Variants in EXOC3L2 observed in about 807,000 individuals in gnomAD.
The protein encoded by EXOC3L2 is exocyst complex component 3-like protein 2.
A neutral mutation model predicts 44.4 loss-of-function variants in EXOC3L2; 17 were observed. That is an observed-to-expected ratio of 0.38 (90% CI 0.26 to 0.57). The LOEUF is 0.57. Ranked by LOEUF, EXOC3L2 falls within the 20% of genes least tolerant of loss-of-function variation. The pLI is 0.65. For missense variants in EXOC3L2, 541 were observed against 588.4 expected (o/e 0.92, Z 0.83); for synonymous variants, 256 against 253.7 (o/e 1.01, Z -0.09).
chr19:45,234,867 A>T lies in EXOC3L2; in HGVS notation c.524-41T>A. On this transcript the variant is annotated intron_variant, in intron 2 of 11. Coordinates refer to ENST00000413988, the MANE Select transcript of EXOC3L2 (RefSeq NM_001382422.1). The surrounding 1 kb of genome is among the most constrained non-coding windows in gnomAD (Gnocchi z 5.0). ...GGGAGGTCAGCAGTGCGCGGGGGGG[A>T]GGAGGGCGATGCCGGACGCGGGGTT... The T allele has an allele frequency of 2.7e-6, 1 of 375,264 alleles. No individual in the cohort carries two copies. The highest frequency in any genetic ancestry group is 1.4e-4 in the South Asian group (1 of 7,328). 23.2% of individuals were successfully genotyped at this position (375,264 alleles called of 1,614,324 possible). A position where few individuals can be genotyped will look rare whatever the true frequency, so the allele number is the denominator to read the frequency against.
At chr19:45,242,861 CA>C (rs56175442) in intron 1 of EXOC3L2, among the ~76,000 whole-genome samples, 36,962 of 85,492 alleles carry the variant, frequency 0.43, 6,416 homozygotes, top group Middle Eastern at 0.55. Context: ...AACTCCATCT[CA>C]AAAAAAAAAA....
intron 1 of EXOC3L2, among the ~76,000 whole-genome samples, chr19:45,243,749 C>G (rs1169543080): frequency 1.3e-5 from 2 of 152,166 alleles, no homozygotes; most frequent in Non-Finnish European, 2.9e-5. Context: ...CCTGCCTCAG[C>G]CTCCCAAGTA....
At chr19:45,223,316 C>T (rs1010855985) in intron 8 of EXOC3L2, among the ~76,000 whole-genome samples, 7 of 151,720 alleles carry the variant, frequency 4.6e-5, no homozygotes, top group Admixed American at 2.0e-4. Context: ...AGCAGGGAGT[C>T]GGGAGGGGGG....
At chr19:45,223,532 G>A (rs988251572) in intron 8 of EXOC3L2, among the ~76,000 whole-genome samples, 4 of 151,404 alleles carry the variant, frequency 2.6e-5, no homozygotes, top group Admixed American at 1.3e-4. Context: ...TAGTAGAGAC[G>A]GGGTTTTGCC....
intron 1 of EXOC3L2, among the ~76,000 whole-genome samples, chr19:45,242,449 G>A (rs1181376909): frequency 2.0e-5 from 3 of 152,028 alleles, no homozygotes; most frequent in East Asian, 1.9e-4. Flanking sequence ...ATGGGGTCTC[G>A]CTATATTGCC....
intron 8 of EXOC3L2, among the ~76,000 whole-genome samples, chr19:45,219,586 C>T (rs1969876109): frequency 6.6e-6 from 1 of 152,090 alleles, no homozygotes; most frequent in South Asian, 2.1e-4. Flanking sequence ...CAGTTAATAA[C>T]ATCCTCCTTT....
At position 45,234,570 on chromosome 19, in the gene EXOC3L2, C is replaced by G. The variant is rs1970063403; in HGVS notation, c.780G>C (p.Val260=). The G allele has an allele frequency of 1.2e-5, 3 of 259,790 alleles. No individual in the cohort carries two copies. Among genetic ancestry groups the G allele is most frequent in the Non-Finnish European group, 2.2e-5 (3 of 136,580 alleles). 16.1% of individuals were successfully genotyped at this position (259,790 alleles called of 1,614,324 possible). A position where few individuals can be genotyped will look rare whatever the true frequency, so the allele number is the denominator to read the frequency against. The change falls in exon 3 of 12, where the codon GTG becomes GTC. Residue 260 remains valine (V), a synonymous_variant. Transcript: ENST00000413988. This position sits in a 1 kb window ranked among gnomAD's most constrained non-coding sequence, Gnocchi z 5.0. ...GPGACAGAGA[V]AQLGQVLVQE... is the part of the protein sequence containing the mutation. ...GTACCAGCACCTGGCCCAGCTGCGCCACCGCGCCAGCCCCGGCGCACGCTC... is the reference window on the plus strand; with the variant it reads ...GTACCAGCACCTGGCCCAGCTGCGCGACCGCGCCAGCCCCGGCGCACGCTC...
In EXOC3L2 at chr19:45,216,090, G is replaced by A. The variant is rs141938500; in HGVS notation, c.2103C>T (p.Arg701=). The A allele has an allele frequency of 2.2e-4, 350 of 1,613,836 alleles. No individual in the cohort carries two copies. Among genetic ancestry groups the A allele is most frequent in the African/African-American group, 2.4e-4 (18 of 74,982 alleles). ...SIQVEVGVLV[R]DYPDIRQKHV... ...TGTCTCACCTGATGTCTGGGTAGTC[G>A]CGCACCAACACTCCCACCTCCACCT... Residue 701 remains arginine, a synonymous_variant, in exon 11 of 12, where the codon CGC becomes CGT. Transcript: ENST00000413988.
chr19:45,234,607 C>T lies in EXOC3L2; in HGVS notation c.743G>A (p.Gly248Asp). The T allele has an allele frequency of 3.2e-6, 1 of 309,022 alleles. No homozygotes were observed. Among genetic ancestry groups the T allele is most frequent in the Non-Finnish European group, 6.0e-6 (1 of 167,984 alleles). 19.1% of individuals were successfully genotyped at this position (309,022 alleles called of 1,614,324 possible). The stretch of plus-strand genomic sequence containing the variant: ...CCCGGCGCACGCTCCCGGCCCGGGG[C>T]CCGCCAGCGTCTCGCGCACCAGCGC... ...LWALVRETLAGPGPGACAGAG... is the reference protein window; with the variant it reads ...LWALVRETLADPGPGACAGAG... The change falls in exon 3 of 12, where the codon GGC (glycine) becomes GAC (aspartate). Residue 248 changes from glycine to aspartate, a missense_variant. Coordinates refer to ENST00000413988, the MANE Select transcript of EXOC3L2 (RefSeq NM_001382422.1). The surrounding 1 kb of genome is among the most constrained non-coding windows in gnomAD (Gnocchi z 5.0).
rs1236603678 is a variant in EXOC3L2, at chr19:45,238,155, A to G, written c.523+368T>C. On this transcript the variant is annotated intron_variant, in intron 2 of 11. Coordinates refer to ENST00000413988, the MANE Select transcript of EXOC3L2 (RefSeq NM_001382422.1). The surrounding 1 kb of genome is among the most constrained non-coding windows in gnomAD (Gnocchi z 5.5). ...AAATAATAATAATAAAATAAATAAA[A>G]TAAAGAAATTGAAGAAATTGGGGAT... 6.6e-6 allele frequency among the ~76,000 whole-genome samples: 1 copy of G among 152,114 alleles called. No individual in the cohort carries two copies. The highest frequency in any genetic ancestry group is 1.5e-5 in the Non-Finnish European group (1 of 68,028).
rs935271969 is a variant in EXOC3L2 at position 45,217,386 on chromosome 19, T to C, written c.1998+142A>G. Reference sequence around the variant, plus strand: ...TGCAAAGGGTGTCGGTCAAAGTTACTGGTTGCTATTGACCCGAAGTTGGGT... The same window carrying C: ...TGCAAAGGGTGTCGGTCAAAGTTACCGGTTGCTATTGACCCGAAGTTGGGT... On this transcript the variant is annotated intron_variant, in intron 10 of 11. Coordinates refer to ENST00000413988, the MANE Select transcript of EXOC3L2 (RefSeq NM_001382422.1). 1.8e-5 allele frequency: 19 copies of C among 1,037,796 alleles called. No individual in the cohort carries two copies. The East Asian group carries it at 3.2e-4, about 17-fold the overall frequency. The allele number at this position is 1,037,796 out of a possible 1,614,324, so 64.3% of individuals were successfully genotyped here.
rs1242191862 is a variant in EXOC3L2, at chr19:45,234,528, G to A, written c.822C>T (p.Asp274=). 4 of 249,956 alleles carry A rather than the reference G, an allele frequency of 1.6e-5. No homozygotes were observed. Among genetic ancestry groups the A allele is most frequent in the African/African-American group, 2.3e-5 (1 of 43,156 alleles). The allele number at this position is 249,956 out of a possible 1,614,324, so 15.5% of individuals were successfully genotyped here. ...GQVLVQEEAA[D]GRRGPGAARK... is the part of the protein sequence containing the mutation. Reference sequence around the variant, plus strand: ...GGGCCGCCCCGGGACCCCGACGCCCGTCGGCCGCCTCCTCCTGTACCAGCA... The same window carrying A: ...GGGCCGCCCCGGGACCCCGACGCCCATCGGCCGCCTCCTCCTGTACCAGCA... The change falls in exon 3 of 12, where the codon GAC becomes GAT. Residue 274 remains aspartate (D), a synonymous_variant. Coordinates refer to ENST00000413988, the MANE Select transcript of EXOC3L2 (RefSeq NM_001382422.1). The surrounding 1 kb of genome is among the most constrained non-coding windows in gnomAD (Gnocchi z 5.0).
chr19:45,237,574 G>C (rs1006299252), intron 2 of EXOC3L2, among the ~76,000 whole-genome samples: 1 of 152,166 alleles, frequency 6.6e-6, no homozygotes, highest in Non-Finnish European at 1.5e-5. Flanking sequence ...GTCTCAGATA[G>C]AGACTGATGG....
chr19:45,226,854 G>T (rs190768620), intron 7 of EXOC3L2, among the ~76,000 whole-genome samples: 2 of 141,216 alleles, frequency 1.4e-5, no homozygotes, highest in East Asian at 2.2e-4. Context: ...CCAGGTTCAC[G>T]CCATTCTCCT....
chr19:45,213,009 C>T lies in EXOC3L2; in HGVS notation c.*60G>A, dbSNP rs910273179. ...GCAGGGAGTCAGGAGGGGCGCCGTA[C>T]GGGAGGTTGGCTTGTCAGCAGCATA... On this transcript the variant is annotated 3_prime_UTR_variant, in exon 12 of 12. Transcript: ENST00000413988. 62 of 1,420,568 alleles carry T rather than the reference C, an allele frequency of 4.4e-5. No individual in the cohort carries two copies. In the Admixed American group the frequency reaches 7.8e-4, roughly 18 times the overall value. The allele number at this position is 1,420,568 out of a possible 1,614,324, so 88.0% of individuals were successfully genotyped here. A position where few individuals can be genotyped will look rare whatever the true frequency, so the allele number is the denominator to read the frequency against.
chr19:45,234,922 G>A lies in EXOC3L2; in HGVS notation c.524-96C>T, dbSNP rs985205942. 17 of 379,316 alleles carry A rather than the reference G, an allele frequency of 4.5e-5. No individual in the cohort carries two copies. The highest frequency in any genetic ancestry group is 1.4e-3 in the Middle Eastern group (2 of 1,468). 23.5% of individuals were successfully genotyped at this position (379,316 alleles called of 1,614,324 possible). A position where few individuals can be genotyped will look rare whatever the true frequency, so the allele number is the denominator to read the frequency against. On this transcript the variant is annotated intron_variant, in intron 2 of 11. Transcript: ENST00000413988. This position sits in a 1 kb window ranked among gnomAD's most constrained non-coding sequence, Gnocchi z 5.0. ...GTGCTTAGGAAGGGGAGAGAGATGAGGGGAAAAGGGTTACAGGAGGCGGGA... is the reference window on the plus strand; with the variant it reads ...GTGCTTAGGAAGGGGAGAGAGATGAAGGGAAAAGGGTTACAGGAGGCGGGA...
Position 45,218,215 on chromosome 19 carries a change from C to T in EXOC3L2, c.1824G>A (p.Met608Ile). The T allele has an allele frequency of 6.4e-7, 1 of 1,555,744 alleles. No homozygotes were observed. The highest frequency in any genetic ancestry group is 1.2e-5 in the South Asian group (1 of 86,956). ...LGAQALALRR[M>I]QDEPYQALVA... Reference sequence around the variant, plus strand: ...GGTGCACCTGGTAAGGCTCGTCCTGCATTCTGCGCAGGGCCAGGGCCTGGG... The same window carrying T: ...GGTGCACCTGGTAAGGCTCGTCCTGTATTCTGCGCAGGGCCAGGGCCTGGG... Residue 608 changes from methionine to isoleucine, a missense_variant, in exon 9 of 12, where the codon ATG becomes ATA. Physicochemically the swap from Met to Ile is conservative, Grantham distance 10. Coordinates refer to ENST00000413988, the MANE Select transcript of EXOC3L2 (RefSeq NM_001382422.1).
rs751772044 is a variant in EXOC3L2 at position 45,213,309 on chromosome 19, T to C, written c.2169A>G (p.Thr723=). The C allele has an allele frequency of 3.7e-6, 6 of 1,613,568 alleles. No homozygotes were observed. In the African/African-American group the frequency reaches 4.0e-5, roughly 11 times the overall value. ...CGGCCAGGATCTCCTGGCGGGCGGCTGTGTTGCGCAGGCCACGGATGTCGA... is the reference window on the plus strand; with the variant it reads ...CGGCCAGGATCTCCTGGCGGGCGGCCGTGTTGCGCAGGCCACGGATGTCGA... ...ALLDIRGLRN[T]AARQEILAVA... is the part of the protein sequence containing the mutation. Residue 723 remains threonine (T), a synonymous_variant, in exon 12 of 12, where the codon ACA becomes ACG. Coordinates refer to ENST00000413988, the MANE Select transcript of EXOC3L2 (RefSeq NM_001382422.1).
At chr19:45,243,526 A>G (rs953820106) in intron 1 of EXOC3L2, among the ~76,000 whole-genome samples, 5 of 152,132 alleles carry the variant, frequency 3.3e-5, no homozygotes, top group African/African-American at 1.2e-4. Context: ...CCCCGCCCCC[A>G]CAGGAGGCAG....
Sources: allele counts gnomAD v4.1 joint callset (sites outside exome capture counted in the v4.1 genomes callset), GRCh38; gene constraint gnomAD v4.1.1; non-coding constraint Gnocchi (gnomAD v3.1); transcripts MANE v1.5; gene names NCBI Gene and HGNC (gene_info 2026-07-23, HGNC 2026-07-21).